RANBP3L: variants seen among roughly 807,000 people sequenced by gnomAD.
RANBP3L encodes ran-binding protein 3-like.
Under a neutral mutation model 67.2 loss-of-function variants are expected in RANBP3L, and 56 were observed. The ratio of observed to expected loss-of-function variants is 0.83; its 90% confidence interval spans 0.67 to 1.04. The LOEUF (loss-of-function observed/expected upper bound fraction) is 1.04. RANBP3L is among the 50% of genes least tolerant of loss of function. RANBP3L has a pLI of 0.00. For missense variants in RANBP3L, 496 were observed against 535.5 expected (o/e 0.93, Z 0.73); for synonymous variants, 164 against 181.4 (o/e 0.90, Z 0.77).
chr5:36,253,785 C>T lies in RANBP3L; in HGVS notation c.1029G>A (p.Met343Ile). The T allele has an allele frequency of 6.2e-7, 1 of 1,612,274 alleles. No homozygotes were observed. The highest frequency in any genetic ancestry group is 1.3e-5 in the African/African-American group (1 of 74,910). The change falls in exon 12 of 14, where the codon ATG (methionine) becomes ATA (isoleucine). Residue 343 changes from methionine to isoleucine, a missense_variant. Physicochemically the swap from Met to Ile is conservative, Grantham distance 10. Coordinates refer to ENST00000296604, the MANE Select transcript of RANBP3L (RefSeq NM_145000.5). Reference protein sequence around the residue: ...DCGTLQSRLIMRNQGSLRLIL... With the variant: ...DCGTLQSRLIIRNQGSLRLIL... ...TCAGCCTTAGACTGCCTTGATTGCG[C>T]ATAACTAAAATAGGAAGGTGACTAC... is the stretch of plus-strand genomic sequence containing the variant.
In RANBP3L at chr5:36,257,361, T is replaced by G. The variant is rs576835254; in HGVS notation, c.772+93A>C. ...GTTTTTTAAATCTTATAGTAAATAT[T>G]AATTTTACTTATATTAAATATTAAT... On this transcript the variant is annotated intron_variant, in intron 9 of 13. Coordinates refer to ENST00000296604, the MANE Select transcript of RANBP3L (RefSeq NM_145000.5). The G allele has an allele frequency of 1.9e-5, 9 of 472,198 alleles. No individual in the cohort carries two copies. The South Asian group carries it at 3.6e-4, about 19-fold the overall frequency. 29.3% of individuals were successfully genotyped at this position (472,198 alleles called of 1,614,324 possible).
intron 1 of RANBP3L, among the ~76,000 whole-genome samples, chr5:36,281,709 A>G (rs1386196560): frequency 1.3e-5 from 2 of 152,176 alleles, no homozygotes; most frequent in Non-Finnish European, 2.9e-5. Context: ...CATTATTTGT[A>G]CACATTCTGA....
chr5:36,271,768 T>C (rs555585668), intron 1 of RANBP3L, among the ~76,000 whole-genome samples: 50 of 152,212 alleles, frequency 3.3e-4, no homozygotes, highest in African/African-American at 1.2e-3. Flanking sequence ...CAGAAATAAT[T>C]CATATTTTCT....
chr5:36,253,744 A>T lies in RANBP3L; in HGVS notation c.1070T>A (p.Leu357His), dbSNP rs370111272. 1.9e-6 allele frequency: 3 copies of T among 1,613,044 alleles called. No individual in the cohort carries two copies. The African/African-American group carries it at 4.0e-5, about 22-fold the overall frequency. The change falls in exon 12 of 14, where the codon CTC (leucine) becomes CAC (histidine). Residue 357 changes from leucine to histidine, a missense_variant. Transcript: ENST00000296604. ...TCTTTGAATCTTCATTTGGGCCCAG[A>T]GTTTGCTGTTGAGGATCAGCCTTAG... The part of the protein sequence containing the change: ...GSLRLILNSK[L>H]WAQMKIQRAN...
intron 1 of RANBP3L, among the ~76,000 whole-genome samples, chr5:36,273,064 T>C (rs1055161511): frequency 2.0e-5 from 3 of 152,262 alleles, no homozygotes; most frequent in Non-Finnish European, 4.4e-5. Flanking sequence ...AGCTCAATTC[T>C]TTGTTGTTTC....
At chr5:36,284,202 T>A (rs1751175009) in intron 1 of RANBP3L, among the ~76,000 whole-genome samples, 1 of 152,234 alleles carries the variant, frequency 6.6e-6, no homozygotes, top group Non-Finnish European at 1.5e-5. Flanking sequence ...TTAGTTAGTA[T>A]CAAAAGATAC....
At chr5:36,254,843 C>T (rs950849637) in intron 11 of RANBP3L, among the ~76,000 whole-genome samples, 11 of 152,096 alleles carry the variant, frequency 7.2e-5, no homozygotes, top group Non-Finnish European at 8.8e-5. Context: ...ATGCCCATTG[C>T]ATTATTTTGA....
At chr5:36,288,442 C>G (rs1290701708) in intron 1 of RANBP3L, among the ~76,000 whole-genome samples, 1 of 152,144 alleles carries the variant, frequency 6.6e-6, no homozygotes, top group Non-Finnish European at 1.5e-5. Context: ...CTGCTACGAG[C>G]ATTCTTGTGC....
intron 12 of RANBP3L, 60 bp downstream of exon 12, chr5:36,253,587 A>T: frequency 7.3e-7 from 1 of 1,376,046 alleles, no homozygotes; most frequent in Non-Finnish European, 1.0e-6. Flanking sequence ...ACAAATTAGT[A>T]ATTGCAGACG....
chr5:36,273,713 T>C (rs1267433859), intron 1 of RANBP3L, among the ~76,000 whole-genome samples: 1 of 152,116 alleles, frequency 6.6e-6, no homozygotes, highest in Non-Finnish European at 1.5e-5. Context: ...AAAAACAGAG[T>C]CCTTAAAATT....
At chr5:36,266,245 C>T (rs751033897) in intron 4 of RANBP3L, among the ~76,000 whole-genome samples, 5 of 152,060 alleles carry the variant, frequency 3.3e-5, no homozygotes, top group Non-Finnish European at 5.9e-5. Flanking sequence ...AATGAGTATA[C>T]CTGAAGAAAG....
intron 13 of RANBP3L, among the ~76,000 whole-genome samples, chr5:36,250,793 T>TA (rs1748536158): frequency 6.6e-6 from 1 of 152,126 alleles, no homozygotes; most frequent in East Asian, 1.9e-4. Context: ...ACTTCAACCT[T>TA]ACTTTATTTG....
intron 1 of RANBP3L, among the ~76,000 whole-genome samples, chr5:36,285,943 T>G (rs1751293612): frequency 6.6e-6 from 1 of 152,208 alleles, no homozygotes; most frequent in Non-Finnish European, 1.5e-5. Context: ...TACCCTGTAC[T>G]TTTAAGTACA....
intron 1 of RANBP3L, among the ~76,000 whole-genome samples, chr5:36,285,929 C>T (rs1033768022): frequency 2.6e-5 from 4 of 152,152 alleles, no homozygotes; most frequent in Non-Finnish European, 5.9e-5. Flanking sequence ...TCTGGCAAGA[C>T]CTGTACCCTG....
rs1001010805 is a variant in RANBP3L, at chr5:36,276,517, A to G, written c.92-5206T>C. On this transcript the variant is annotated intron_variant, in intron 1 of 13. Coordinates refer to ENST00000296604, the MANE Select transcript of RANBP3L (RefSeq NM_145000.5). ...GGGAAAAAAAATTCAGCTGAATGCTATGCATATATTTAATTGCTTTGTCCT... is the reference window on the plus strand; with the variant it reads ...GGGAAAAAAAATTCAGCTGAATGCTGTGCATATATTTAATTGCTTTGTCCT... 1.3e-5 allele frequency among the ~76,000 whole-genome samples: 2 copies of G among 152,156 alleles called. 1 individual carries two copies. The highest frequency in any genetic ancestry group is 3.8e-4 in the East Asian group (2 of 5,200).
At chr5:36,267,836 C>T (rs1255008959) in intron 4 of RANBP3L, among the ~76,000 whole-genome samples, 2 of 152,088 alleles carry the variant, frequency 1.3e-5, no homozygotes, top group African/African-American at 2.4e-5. Context: ...GAATCTAAAG[C>T]ATAATTGCAT....
rs1748365422 is a variant in RANBP3L, at chr5:36,247,729, C to G, written c.*1925G>C. ...TGAAACCCCGTCTCTACTAAAAATA[C>G]AAAAATTAGCCAGGTATGATGGCGG... is the stretch of plus-strand genomic sequence containing the variant. On this transcript the variant is annotated 3_prime_UTR_variant, in exon 14 of 14. Coordinates refer to ENST00000296604, the MANE Select transcript of RANBP3L (RefSeq NM_145000.5). Among the ~76,000 whole-genome samples the G allele has an allele frequency of 6.6e-6, 1 of 152,012 alleles. No homozygotes were observed.
At chr5:36,288,749 T>C (rs1359003348) in intron 1 of RANBP3L, among the ~76,000 whole-genome samples, 1 of 152,202 alleles carries the variant, frequency 6.6e-6, no homozygotes, top group Non-Finnish European at 1.5e-5. Flanking sequence ...TGATGTGCTT[T>C]TGGCCATTTA....
chr5:36,299,372 T>TATAC (rs58661527), intron 1 of RANBP3L, among the ~76,000 whole-genome samples: 1 of 151,472 alleles, frequency 6.6e-6, no homozygotes, highest in African/African-American at 2.4e-5. Flanking sequence ...TGTGTATATA[T>TATAC]CCTATTAGTT....
Sources: gnomAD v4.1 joint callset for allele counts (sites outside exome capture counted in the v4.1 genomes callset) on GRCh38, gnomAD v4.1.1 for gene constraint, MANE v1.5 for transcripts, NCBI Gene and HGNC (gene_info 2026-07-23, HGNC 2026-07-21) for gene names.